The following C10orf90 variants were observed in gnomAD, a reference collection of about 807,000 sequenced individuals.
The protein encoded by C10orf90 is (E2-independent) E3 ubiquitin-conjugating enzyme FATS.
A neutral mutation model predicts 62.5 loss-of-function variants in C10orf90; 56 were observed. The ratio of observed to expected loss-of-function variants is 0.90; its 90% CI spans 0.72 to 1.12. C10orf90 has a LOEUF of 1.12. Among genes scored for constraint, C10orf90 ranks in the 50% most tolerant of loss-of-function variants. The pLI, the probability that C10orf90 is intolerant of heterozygous loss-of-function variation, is 0.00. For missense variants in C10orf90, 970 were observed against 880.4 expected, an observed-to-expected ratio of 1.10 and a Z score of -1.29; for synonymous variants, 386 against 340.4, an observed-to-expected ratio of 1.13 and a Z score of -1.47.
chr10:126,490,093 A>AAT (rs1315244821), intron 4 of C10orf90, among the ~76,000 whole-genome samples: 3 of 113,010 alleles, frequency 2.7e-5, no homozygotes, highest in African/African-American at 3.6e-5. Flanking sequence ...AATAATATAT[A>AAT]ATATATAATA....
chr10:126,562,196 G>A (rs1432751583), intron 2 of C10orf90, among the ~76,000 whole-genome samples: 2 of 152,170 alleles, frequency 1.3e-5, no homozygotes, highest in Non-Finnish European at 2.9e-5. Flanking sequence ...GGAGAATGCG[G>A]CCCTCATCTC....
intron 1 of C10orf90, among the ~76,000 whole-genome samples, chr10:126,651,366 T>C (rs1412949373): frequency 6.6e-6 from 1 of 152,190 alleles, no homozygotes; most frequent in Non-Finnish European, 1.5e-5. Context: ...ATGATATTAA[T>C]TTATTCCATT....
chr10:126,543,110 A>G (rs1171891661), intron 2 of C10orf90, among the ~76,000 whole-genome samples: 1 of 152,212 alleles, frequency 6.6e-6, no homozygotes, highest in East Asian at 1.9e-4. Context: ...TTTCGTGTGA[A>G]CTCCGTACAG....
chr10:126,426,024 T>C lies in C10orf90; in HGVS notation c.2319A>G (p.Gln773=), dbSNP rs779592842. ...KEEQRKRVIL[Q]SNRLRAEVFK... is the part of the protein sequence containing the mutation. ...AGACTTCGGCACGGAGTCTGTTACT[T>C]TGTAAGATCACCCTTTTCCTTTGTT... The change falls in exon 9 of 10, where the codon CAA becomes CAG. Residue 773 remains glutamine (Q), a synonymous_variant. Transcript: ENST00000488181. 1 of 1,614,238 alleles carries C rather than the reference T, an allele frequency of 6.2e-7. No individual in the cohort carries two copies. The highest frequency in any genetic ancestry group is 1.3e-5 in the African/African-American group (1 of 75,076).
Position 126,649,074 on chromosome 10 carries a change from C to A in C10orf90, c.241-2437G>T, listed in dbSNP as rs568545845. 3.2e-4 allele frequency among the ~76,000 whole-genome samples: 19 copies of A among 58,814 alleles called. 1 individual carries two copies. The highest frequency in any genetic ancestry group is 8.4e-4 in the African/African-American group (15 of 17,908). The allele number at this position is 58,814 out of a possible 152,430, so 38.6% of individuals were successfully genotyped here. ...TCTCTCTCTCTCTCTCTCTCTCTCC[C>A]CCCCCCCCAGCAATTCACAATGGAT... On this transcript the variant is annotated intron_variant, in intron 1 of 9. Coordinates refer to ENST00000488181, the MANE Select transcript of C10orf90 (RefSeq NM_001350921.2).
Position 126,503,938 on chromosome 10 carries a change from A to T in C10orf90, c.1534+19T>A. ...ACATTTACTCAGGTCACCCTCCTGC[A>T]GATGGACGCACCACTCACCTGCCCT... On this transcript the variant is annotated intron_variant, in intron 4 of 9. Coordinates refer to ENST00000488181, the MANE Select transcript of C10orf90 (RefSeq NM_001350921.2). 1.3e-6 allele frequency: 2 copies of T among 1,592,970 alleles called. No homozygotes were observed. Among genetic ancestry groups the T allele is most frequent in the Non-Finnish European group, 1.7e-6 (2 of 1,169,650 alleles).
chr10:126,590,280 C>T (rs929951654), intron 2 of C10orf90, among the ~76,000 whole-genome samples: 20 of 151,994 alleles, frequency 1.3e-4, no homozygotes, highest in Admixed American at 3.9e-4. Context: ...AGACAGATCA[C>T]CAAGACAGAG....
At position 126,521,210 on chromosome 10, in the gene C10orf90, G is replaced by A. The variant is rs547369180; in HGVS notation, c.314-7271C>T. 17 of 1,471,326 alleles carry A rather than the reference G, an allele frequency of 1.2e-5. No individual in the cohort carries two copies. The East Asian group carries it at 2.3e-4, about 20-fold the overall frequency. 91.1% of individuals were successfully genotyped at this position (1,471,326 alleles called of 1,614,324 possible). On this transcript the variant is annotated intron_variant, in intron 2 of 9. Coordinates refer to ENST00000488181, the MANE Select transcript of C10orf90 (RefSeq NM_001350921.2). ...TCCCCTGGGGCCTCATACAGTACTG[G>A]GCCCAGAAGATACTCAGCGTGGACA...
intron 2 of C10orf90, among the ~76,000 whole-genome samples, chr10:126,588,701 GT>G (rs1844923084): frequency 6.6e-6 from 1 of 152,178 alleles, no homozygotes; most frequent in Non-Finnish European, 1.5e-5. Flanking sequence ...TCCATTCAAA[GT>G]TCAGCAGCCT....
chr10:126,501,282 G>A (rs1591022308), intron 4 of C10orf90, among the ~76,000 whole-genome samples: 2 of 152,156 alleles, frequency 1.3e-5, no homozygotes, highest in African/African-American at 4.8e-5. Context: ...GAGCTGTGCT[G>A]GTAAATTTCA....
chr10:126,530,750 A>G (rs1468021090), intron 2 of C10orf90, among the ~76,000 whole-genome samples: 1 of 152,182 alleles, frequency 6.6e-6, no homozygotes, highest in African/African-American at 2.4e-5. Context: ...TCAGGAAGAA[A>G]ACATGCCAAC....
At chr10:126,578,547 G>A (rs1231601616) in intron 2 of C10orf90, among the ~76,000 whole-genome samples, 1 of 152,194 alleles carries the variant, frequency 6.6e-6, no homozygotes, top group Non-Finnish European at 1.5e-5. Context: ...GTGAATATTA[G>A]TGAAATCACT....
intron 2 of C10orf90, among the ~76,000 whole-genome samples, chr10:126,604,819 A>T (rs1845272751): frequency 1.3e-5 from 2 of 152,244 alleles, no homozygotes; most frequent in Admixed American, 1.3e-4. Flanking sequence ...CAATTTAATC[A>T]GGTAAGATAA....
intron 2 of C10orf90, among the ~76,000 whole-genome samples, chr10:126,608,231 C>T (rs948099183): frequency 6.6e-6 from 1 of 152,184 alleles, no homozygotes. Flanking sequence ...ATCTCAGCCT[C>T]CCAAATAGCT....
At chr10:126,662,149 G>A (rs375737493) in intron 1 of C10orf90, among the ~76,000 whole-genome samples, 1 of 151,886 alleles carries the variant, frequency 6.6e-6, no homozygotes, top group Non-Finnish European at 1.5e-5. Flanking sequence ...GGAATGGCTT[G>A]ATTATTTCAA....
At chr10:126,509,363 C>T (rs1449406291) in intron 3 of C10orf90, among the ~76,000 whole-genome samples, 9 of 152,152 alleles carry the variant, frequency 5.9e-5, no homozygotes, top group African/African-American at 1.9e-4. Flanking sequence ...CCAGCAGAAA[C>T]GAGTGGATAT....
At chr10:126,608,137 C>T (rs1359181059) in intron 2 of C10orf90, among the ~76,000 whole-genome samples, 2 of 152,150 alleles carry the variant, frequency 1.3e-5, no homozygotes, top group East Asian at 3.9e-4. Context: ...GACACAGGGT[C>T]TTGCTCTGTT....
intron 7 of C10orf90, among the ~76,000 whole-genome samples, chr10:126,445,189 G>A (rs1216889762): frequency 3.9e-5 from 6 of 152,232 alleles, no homozygotes; most frequent in Non-Finnish European, 7.4e-5. Flanking sequence ...AAACTAAAGA[G>A]CTTTTGCATG....
intron 2 of C10orf90, among the ~76,000 whole-genome samples, chr10:126,577,014 A>G (rs1480590194): frequency 6.6e-6 from 1 of 151,598 alleles, no homozygotes; most frequent in Non-Finnish European, 1.5e-5. Flanking sequence ...GGGGGAAGAG[A>G]AGGAGATATT....
Sources: gnomAD v4.1 joint callset for allele counts (sites outside exome capture counted in the v4.1 genomes callset) on GRCh38, gnomAD v4.1.1 for gene constraint, MANE v1.5 for transcripts, NCBI Gene and HGNC (gene_info 2026-07-23, HGNC 2026-07-21) for gene names.